Variants in JADE3 observed in about 807,000 individuals in gnomAD.
JADE3 encodes the protein jade family PHD finger 3.
Under a neutral mutation model 50.1 loss-of-function variants are expected in JADE3, and 2 were observed. The observed-to-expected ratio is 0.04, with a 90% CI of 0.02 to 0.13. The LOEUF is 0.13. JADE3 is among the 10% of genes least tolerant of loss of function. JADE3 has a pLI of 1.00. For missense variants in JADE3, 475 were observed against 634.4 expected (o/e 0.75, Z 2.70); for synonymous variants, 218 against 232.9 (o/e 0.94, Z 0.58).
chrX:47,027,533 G>A (rs1252281465), intron 5 of JADE3, among the ~76,000 whole-genome samples: 3 of 111,366 alleles, frequency 2.7e-5, no homozygotes, highest in African/African-American at 9.8e-5. Context: ...ACAAATTATC[G>A]TGTCCAGAAT....
chrX:47,005,463 A>G (rs1220691812), intron 4 of JADE3, among the ~76,000 whole-genome samples: 1 of 110,559 alleles, frequency 9.0e-6, no homozygotes, highest in Non-Finnish European at 1.9e-5. Flanking sequence ...CTGGTCTCAA[A>G]CTCTTGACCT....
intron 3 of JADE3, among the ~76,000 whole-genome samples, chrX:46,986,921 T>C (rs1404918592): frequency 4.4e-5 from 5 of 112,691 alleles, no homozygotes; most frequent in Non-Finnish European, 9.4e-5. Flanking sequence ...AGTTATGTAT[T>C]GCTACATTAC....
chrX:46,979,264 C>G (rs139026588), intron 1 of JADE3, among the ~76,000 whole-genome samples: 10 of 112,094 alleles, frequency 8.9e-5, no homozygotes, highest in African/African-American at 2.6e-4. Context: ...CTGTCAAGAA[C>G]AGTTTGATAA....
intron 1 of JADE3, among the ~76,000 whole-genome samples, chrX:46,935,776 G>C (rs1230900625): frequency 9.2e-6 from 1 of 108,617 alleles, no homozygotes; most frequent in Admixed American, 9.9e-5. Flanking sequence ...ACATTGAATA[G>C]GAGTCATGAG....
chrX:46,964,985 A>C (rs1454927265), intron 1 of JADE3, among the ~76,000 whole-genome samples: 2 of 112,060 alleles, frequency 1.8e-5, no homozygotes, highest in Non-Finnish European at 3.8e-5. Context: ...GATGGCTCTG[A>C]TTTCATACTT....
At chrX:47,008,411 C>T (rs1250796753) in intron 4 of JADE3, among the ~76,000 whole-genome samples, 2 of 111,892 alleles carry the variant, frequency 1.8e-5, no homozygotes, top group Non-Finnish European at 3.8e-5. Context: ...GTGCTTGCTC[C>T]ATGTTGTAAG....
At chrX:46,925,249 A>G (rs924980796) in intron 1 of JADE3, among the ~76,000 whole-genome samples, 3 of 112,200 alleles carry the variant, frequency 2.7e-5, no homozygotes, top group Admixed American at 9.4e-5. Flanking sequence ...TTTGATTACT[A>G]TTTCTGTTTG....
chrX:47,024,583 A>G (rs1227287927), intron 4 of JADE3, 141 bp from the exon 5 acceptor site: 4 of 398,750 alleles, frequency 1.0e-5, no homozygotes, highest in Non-Finnish European at 1.7e-5. Context: ...TTAACAGCAC[A>G]TGACAAAACT....
rs1925974306 is a variant in JADE3 at position 46,912,445 on chromosome X, T to G, written c.-286T>G. 2 of 111,418 alleles carry G rather than the reference T, an allele frequency of 1.8e-5. No homozygotes were observed. Among genetic ancestry groups the G allele is most frequent in the Non-Finnish European group, 3.8e-5 (2 of 53,008 alleles). 9.2% of individuals were successfully genotyped at this position (111,418 alleles called of 1,213,427 possible). A position where few individuals can be genotyped will look rare whatever the true frequency, so the allele number is the denominator to read the frequency against. The stretch of plus-strand genomic sequence containing the variant: ...CACAGTGTCAGGAATACAATAGTGC[T>G]CCGCGCCGCCTCAGCCGCCGCCGCC... On this transcript the variant is annotated 5_prime_UTR_variant, in exon 1 of 11. Transcript: ENST00000614628.
chrX:47,025,303 G>A (rs181940276), intron 5 of JADE3, among the ~76,000 whole-genome samples: 2 of 111,244 alleles, frequency 1.8e-5, no homozygotes, highest in East Asian at 2.9e-4. Flanking sequence ...AGTGAGCAGG[G>A]CCAGAGGTAG....
At chrX:47,021,570 CTATTTGCTCCATTTCCT>C (rs2146973605) in intron 4 of JADE3, among the ~76,000 whole-genome samples, 1 of 111,824 alleles carries the variant, frequency 8.9e-6, no homozygotes, top group East Asian at 2.8e-4. Flanking sequence ...AAGAGATAAT[CTATTTGCTCCATTTCCT>C]TACCAACATT....
intron 1 of JADE3, among the ~76,000 whole-genome samples, chrX:46,961,962 G>C (rs1474309639): frequency 8.9e-6 from 1 of 112,297 alleles, no homozygotes; most frequent in Non-Finnish European, 1.9e-5. Context: ...ACCCACACGA[G>C]CACACAAAAG....
At chrX:46,916,239 A>G (rs1419619488) in intron 1 of JADE3, among the ~76,000 whole-genome samples, 1 of 112,669 alleles carries the variant, frequency 8.9e-6, no homozygotes, top group South Asian at 3.6e-4. Context: ...ATTCCCAATT[A>G]GTAACGGTTT....
Position 46,912,522 on chromosome X carries a change from C to G in JADE3, c.-209C>G, listed in dbSNP as rs1438052928. ...CCTGACGGGCCGGGCGGACGAGGGC[C>G]GAGGGCGGGAGCTGAGGCGCGGGGG... On this transcript the variant is annotated 5_prime_UTR_variant, in exon 1 of 11. Coordinates refer to ENST00000614628, the MANE Select transcript of JADE3 (RefSeq NM_014735.5). The G allele has an allele frequency of 3.6e-5, 4 of 111,344 alleles. No individual in the cohort carries two copies. Among genetic ancestry groups the G allele is most frequent in the Non-Finnish European group, 7.6e-5 (4 of 52,829 alleles). 9.2% of individuals were successfully genotyped at this position (111,344 alleles called of 1,213,427 possible).
At chrX:47,019,479 G>T (rs1030211752) in intron 4 of JADE3, among the ~76,000 whole-genome samples, 1 of 111,426 alleles carries the variant, frequency 9.0e-6, no homozygotes, top group East Asian at 2.8e-4. Flanking sequence ...CAAATTCCTG[G>T]GCTCAAGTGA....
At chrX:46,990,243 A>G (rs1435323996) in intron 3 of JADE3, among the ~76,000 whole-genome samples, 13 of 111,346 alleles carry the variant, frequency 1.2e-4, no homozygotes, top group African/African-American at 4.3e-4. Flanking sequence ...AGTGATTTTC[A>G]GTTGTATCCT....
intron 1 of JADE3, among the ~76,000 whole-genome samples, chrX:46,914,733 C>G (rs1204339948): frequency 8.9e-6 from 1 of 112,307 alleles, no homozygotes; most frequent in Non-Finnish European, 1.9e-5. Flanking sequence ...AAGTCTGGCT[C>G]TAGAATTCAC....
At chrX:46,995,817 A>C in intron 3 of JADE3, among the ~76,000 whole-genome samples, 1 of 111,012 alleles carries the variant, frequency 9.0e-6, no homozygotes, top group South Asian at 3.8e-4. Context: ...AGCCTCTCAC[A>C]CTCTGCCTTA....
intron 1 of JADE3, among the ~76,000 whole-genome samples, chrX:46,952,519 A>G (rs1277486505): frequency 1.8e-5 from 2 of 112,178 alleles, no homozygotes; most frequent in Admixed American, 9.4e-5. Flanking sequence ...AGGCCTTCCC[A>G]GGAGTTTGTA....
Sources: gnomAD v4.1 joint callset for allele counts (sites outside exome capture counted in the v4.1 genomes callset) on GRCh38, gnomAD v4.1.1 for gene constraint, MANE v1.5 for transcripts, NCBI Gene and HGNC (gene_info 2026-07-23, HGNC 2026-07-21) for gene names.